Variants in ASH1L observed in about 807,000 individuals in gnomAD.
The protein encoded by ASH1L is ASH1 like histone lysine methyltransferase.
ASH1L carries 23 observed loss-of-function variants against 269.0 expected under a neutral mutation model. That is an observed-to-expected ratio of 0.09 (90% confidence interval 0.06 to 0.12). ASH1L has a LOEUF of 0.12. Ranked by LOEUF, ASH1L falls within the 10% of genes least tolerant of loss-of-function variation. The pLI, the probability that ASH1L is intolerant of heterozygous loss-of-function variation, is 1.00. For missense variants in ASH1L, 2,912 were observed against 3,567.8 expected, an observed-to-expected ratio of 0.82 and a Z score of 4.68; for synonymous variants, 1,187 against 1,253.5, an observed-to-expected ratio of 0.95 and a Z score of 1.12.
chr1:155,558,851 C>CTTTT (rs1227615811), intron 1 of ASH1L, among the ~76,000 whole-genome samples: 2 of 136,146 alleles, frequency 1.5e-5, no homozygotes, highest in African/African-American at 5.4e-5. Flanking sequence ...TTTTTCTTTT[C>CTTTT]TTTTTTTTTT....
chr1:155,378,610 C>G (rs1411161912), intron 8 of ASH1L, 62 bp from the exon 9 acceptor site: 2 of 1,339,772 alleles, frequency 1.5e-6, no homozygotes, highest in Non-Finnish European at 2.1e-6. Flanking sequence ...ACGGCAGCAT[C>G]AATCACTAAA....
intron 6 of ASH1L, among the ~76,000 whole-genome samples, chr1:155,411,435 G>A (rs1204726540): frequency 6.6e-6 from 1 of 150,532 alleles, no homozygotes; most frequent in Non-Finnish European, 1.5e-5. Context: ...TCACTGATAC[G>A]GTTGTATAAT....
At chr1:155,421,512 A>G (rs1049157945) in intron 5 of ASH1L, among the ~76,000 whole-genome samples, 4 of 151,628 alleles carry the variant, frequency 2.6e-5, no homozygotes, top group Non-Finnish European at 5.9e-5. Context: ...CTCTTCTAAA[A>G]ATAGAAAAAA....
At chr1:155,556,963 G>A (rs539489011) in intron 1 of ASH1L, among the ~76,000 whole-genome samples, 8 of 152,232 alleles carry the variant, frequency 5.3e-5, no homozygotes, top group Non-Finnish European at 1.0e-4. Flanking sequence ...TTGAGCCCAA[G>A]AGGTAGAGCA....
intron 3 of ASH1L, among the ~76,000 whole-genome samples, chr1:155,475,936 T>A (rs1279653319): frequency 1.3e-5 from 2 of 152,162 alleles, no homozygotes; most frequent in Non-Finnish European, 2.9e-5. Context: ...TACTATAATC[T>A]CCATGACTCA....
In ASH1L at chr1:155,562,777, AC is replaced by A; in HGVS notation, c.-725del. 1.3e-6 allele frequency: 1 copy of A among 783,838 alleles called. No homozygotes were observed. The highest frequency in any genetic ancestry group is 2.1e-6 in the Non-Finnish European group (1 of 484,224). The allele number at this position is 783,838 out of a possible 1,614,324, so 48.6% of individuals were successfully genotyped here. On this transcript the variant is annotated 5_prime_UTR_variant, in exon 1 of 28. Coordinates refer to ENST00000392403, the MANE Select transcript of ASH1L (RefSeq NM_018489.3). The stretch of plus-strand genomic sequence containing the variant: ...GGCGCCGGCGCAGGCCCTCACGCGT[AC>A]CTTCAACGGCGCAAGCCCAAGCCTC...
chr1:155,451,201 A>G (rs1335186409), intron 4 of ASH1L, among the ~76,000 whole-genome samples: 5 of 150,692 alleles, frequency 3.3e-5, no homozygotes, highest in Admixed American at 2.0e-4. Context: ...CCACCTCAAA[A>G]AAAAAAAAAA....
Position 155,562,536 on chromosome 1 carries a change from C to T in ASH1L, c.-483G>A. ...GCCCCCCTCAACCTTCCACTCCTTC[C>T]TCCTTGCGTTCTTTCCCACCGTCCC... On this transcript the variant is annotated 5_prime_UTR_variant, in exon 1 of 28. Transcript: ENST00000392403. The T allele has an allele frequency of 6.6e-7, 1 of 1,525,578 alleles. No individual in the cohort carries two copies. The allele number at this position is 1,525,578 out of a possible 1,614,324, so 94.5% of individuals were successfully genotyped here.
In ASH1L at chr1:155,346,372, G is replaced by A; in HGVS notation, c.7890+11C>T. 1.2e-6 allele frequency: 2 copies of A among 1,613,212 alleles called. No individual in the cohort carries two copies. Among genetic ancestry groups the A allele is most frequent in the Non-Finnish European group, 1.7e-6 (2 of 1,179,294 alleles). On this transcript the variant is annotated intron_variant, in intron 21 of 27. Coordinates refer to ENST00000392403, the MANE Select transcript of ASH1L (RefSeq NM_018489.3). ...CTTATAGATCAGAGTTTTATCAGAG[G>A]TTCAGCTTACCCTGTCCACAGGCCT...
intron 2 of ASH1L, among the ~76,000 whole-genome samples, chr1:155,492,165 C>T (rs530348795): frequency 2.6e-5 from 4 of 151,080 alleles, no homozygotes; most frequent in Non-Finnish European, 4.4e-5. Context: ...CCTCCCGAGT[C>T]GCTGGGATTA....
chr1:155,560,814 C>T (rs1195232546), intron 1 of ASH1L, among the ~76,000 whole-genome samples: 1 of 152,216 alleles, frequency 6.6e-6, no homozygotes, highest in African/African-American at 2.4e-5. Context: ...GTCAGAAATG[C>T]TCTGCTTCCT....
chr1:155,468,599 T>C (rs932469081), intron 3 of ASH1L, among the ~76,000 whole-genome samples: 1 of 152,192 alleles, frequency 6.6e-6, no homozygotes, highest in African/African-American at 2.4e-5. Flanking sequence ...AATCCTCTCA[T>C]ATTTATTTTG....
intron 1 of ASH1L, among the ~76,000 whole-genome samples, chr1:155,542,163 T>C (rs915119103): frequency 2.0e-5 from 3 of 152,166 alleles, no homozygotes; most frequent in Non-Finnish European, 4.4e-5. Flanking sequence ...CCGAGAAATA[T>C]ATAGGAACAC....
chr1:155,490,968 C>CAAAAAAAAAAAAAAAAAAAA (rs767615285), intron 2 of ASH1L, among the ~76,000 whole-genome samples: 2 of 61,380 alleles, frequency 3.3e-5, no homozygotes, highest in African/African-American at 1.4e-4. Flanking sequence ...ACCCTGATTC[C>CAAAAAAAAAAAAAAAAAAAA]AAAAAAAAAA....
At chr1:155,361,110 G>A (rs189109479) in intron 12 of ASH1L, among the ~76,000 whole-genome samples, 1 of 152,202 alleles carries the variant, frequency 6.6e-6, no homozygotes, top group East Asian at 1.9e-4. Flanking sequence ...GAGGCCACAT[G>A]CAGTGGCTCA....
At chr1:155,511,786 G>A (rs1351349409) in intron 2 of ASH1L, among the ~76,000 whole-genome samples, 1 of 152,132 alleles carries the variant, frequency 6.6e-6, no homozygotes, top group Non-Finnish European at 1.5e-5. Context: ...TTACAGGGGT[G>A]AGCCACCACG....
intron 5 of ASH1L, chr1:155,434,394 G>C: frequency 1.5e-6 from 2 of 1,307,664 alleles, no homozygotes; most frequent in South Asian, 2.9e-5. Flanking sequence ...CACAAAGGGT[G>C]GGGGCAGGGG....
Position 155,336,630 on chromosome 1 carries a change from G to A in ASH1L, c.*1030C>T, listed in dbSNP as rs962995474. On this transcript the variant is annotated 3_prime_UTR_variant, in exon 28 of 28. Transcript: ENST00000392403. ...CAGGAGGGTGAGGGAAGATGGGCTA[G>A]GGGTGAAGAGAAATATACTGTCTCT... is the stretch of plus-strand genomic sequence containing the variant. 3 of 152,610 alleles carry A rather than the reference G, an allele frequency of 2.0e-5. No individual in the cohort carries two copies. Among genetic ancestry groups the A allele is most frequent in the Non-Finnish European group, 2.9e-5 (2 of 67,994 alleles). The allele number at this position is 152,610 out of a possible 1,614,324, so 9.5% of individuals were successfully genotyped here.
At chr1:155,476,287 G>A (rs1206186537) in intron 3 of ASH1L, among the ~76,000 whole-genome samples, 1 of 152,034 alleles carries the variant, frequency 6.6e-6, no homozygotes, top group Non-Finnish European at 1.5e-5. Context: ...TCGGGAGGGT[G>A]AGGCAGGAGA....
Sources: gnomAD v4.1 joint callset for allele counts (sites outside exome capture counted in the v4.1 genomes callset) on GRCh38, gnomAD v4.1.1 for gene constraint, MANE v1.5 for transcripts, NCBI Gene and HGNC (gene_info 2026-07-23, HGNC 2026-07-21) for gene names.